Variants in LRRIQ3 observed in about 807,000 individuals in gnomAD.
The protein encoded by LRRIQ3 is leucine rich repeats and IQ motif containing 3.
A neutral mutation model predicts 59.3 loss-of-function variants in LRRIQ3; 75 were observed. The ratio of observed to expected loss-of-function variants is 1.26; its 90% CI spans 1.05 to 1.53. The LOEUF (loss-of-function observed/expected upper bound fraction) is 1.53, where lower values mean the gene tolerates loss of function less well. LRRIQ3 is among the 40% of genes most tolerant of loss of function. The pLI is 0.00. For missense variants in LRRIQ3, 831 were observed against 710.0 expected (o/e 1.17, Z -1.94); for synonymous variants, 250 against 231.3 (o/e 1.08, Z -0.73).
intron 5 of LRRIQ3, among the ~76,000 whole-genome samples, chr1:74,096,355 C>T (rs1646449481): frequency 6.6e-6 from 1 of 152,002 alleles, no homozygotes. Flanking sequence ...AAGGTGGTCC[C>T]TGAACTACAC....
At chr1:74,125,950 T>C (rs930126130) in intron 4 of LRRIQ3, among the ~76,000 whole-genome samples, 1 of 151,898 alleles carries the variant, frequency 6.6e-6, no homozygotes, top group African/African-American at 2.4e-5. Context: ...TTTAATTGTT[T>C]AGTAAAACTC....
intron 6 of LRRIQ3, among the ~76,000 whole-genome samples, chr1:74,070,899 T>C (rs1655006188): frequency 6.6e-6 from 1 of 151,466 alleles, no homozygotes; most frequent in Non-Finnish European, 1.5e-5. Context: ...AGAGAAATTA[T>C]ATTTTTCAGG....
At position 74,155,843 on chromosome 1, in the gene LRRIQ3, A is replaced by G. The variant is rs1472935847; in HGVS notation, c.597T>C (p.Ile199=). The G allele has an allele frequency of 2.0e-6, 3 of 1,524,222 alleles. No homozygotes were observed. The highest frequency in any genetic ancestry group is 2.8e-5 in the African/African-American group (2 of 71,526). 94.4% of individuals were successfully genotyped at this position (1,524,222 alleles called of 1,614,324 possible). The stretch of plus-strand genomic sequence containing the variant: ...TTGAAGTAATATGTTTAATATTATT[A>G]ATTTCCTCTTCATAGGTTGTTCCCT... ...LRKGTTYEEE[I]NNIKHITSKI... is the part of the protein sequence containing the mutation. Residue 199 remains isoleucine, a synonymous_variant, in exon 4 of 8, where the codon ATT becomes ATC. Transcript: ENST00000354431.
chr1:74,117,579 A>C lies in LRRIQ3; in HGVS notation c.708-8026T>G, dbSNP rs553190007. ...TCAGGAGTTCCAGGCCAGCCTGGCCAAGGTGGTGAAACCTTGTCTCTAGTA... is the reference window on the plus strand; with the variant it reads ...TCAGGAGTTCCAGGCCAGCCTGGCCCAGGTGGTGAAACCTTGTCTCTAGTA... On this transcript the variant is annotated intron_variant, in intron 4 of 7. Coordinates refer to ENST00000354431, the MANE Select transcript of LRRIQ3 (RefSeq NM_001105659.2). 2.0e-5 allele frequency among the ~76,000 whole-genome samples: 3 copies of C among 152,280 alleles called. No homozygotes were observed. The South Asian group carries it at 6.2e-4, about 32-fold the overall frequency.
At chr1:74,128,255 T>C (rs1310283647) in intron 4 of LRRIQ3, among the ~76,000 whole-genome samples, 1 of 152,080 alleles carries the variant, frequency 6.6e-6, no homozygotes, top group African/African-American at 2.4e-5. Flanking sequence ...GATATTGACA[T>C]CTTTCTCTAG....
intron 4 of LRRIQ3, among the ~76,000 whole-genome samples, chr1:74,123,392 C>A (rs1646889883): frequency 6.6e-6 from 1 of 151,936 alleles, no homozygotes; most frequent in South Asian, 2.1e-4. Context: ...AATACTAGAT[C>A]TTATTCATTA....
Position 74,054,112 on chromosome 1 carries a change from A to T in LRRIQ3, c.998-12179T>A, listed in dbSNP as rs577884328. Among the ~76,000 whole-genome samples, 577 of 152,318 alleles carry T rather than the reference A, an allele frequency of 3.8e-3. 5 individuals are homozygous for T. Among genetic ancestry groups the T allele is most frequent in the African/African-American group, 0.013 (548 of 41,582 alleles). ...AGCAGCTTTATTCATAATTGGCAAA[A>T]TATGGAAACTACCAAATATACTTTA... On this transcript the variant is annotated intron_variant, in intron 6 of 7. Coordinates refer to ENST00000354431, the MANE Select transcript of LRRIQ3 (RefSeq NM_001105659.2).
intron 6 of LRRIQ3, among the ~76,000 whole-genome samples, chr1:74,071,030 TATAC>T (rs1445968193): frequency 2.7e-5 from 4 of 146,258 alleles, no homozygotes; most frequent in Admixed American, 1.4e-4. Flanking sequence ...CATATATATA[TATAC>T]ACACACACAC....
rs1312398253 is a variant in LRRIQ3 at position 74,109,453 on chromosome 1, T to C, written c.808A>G (p.Lys270Glu). The part of the protein sequence containing the change: ...ITKGYEDKLL[K>E]DLFFKPETNI... ...GTTTCAGGTTTGAAAAAGAGATCCT[T>C]AAGGAGCTTATCTTCATACCCTTTG... Residue 270 changes from lysine to glutamate, a missense_variant, in exon 5 of 8, where the codon AAG becomes GAG. Transcript: ENST00000354431. 2 of 1,577,240 alleles carry C rather than the reference T, an allele frequency of 1.3e-6. No homozygotes were observed. The highest frequency in any genetic ancestry group is 4.6e-5 in the East Asian group (2 of 43,732).
chr1:74,064,321 G>C (rs879071948), intron 6 of LRRIQ3, among the ~76,000 whole-genome samples: 3 of 151,734 alleles, frequency 2.0e-5, no homozygotes, highest in Admixed American at 2.0e-4. Context: ...TGTTACACCT[G>C]CCTCCTTTAT....
intron 4 of LRRIQ3, among the ~76,000 whole-genome samples, chr1:74,111,757 T>C (rs1646697966): frequency 6.6e-6 from 1 of 152,090 alleles, no homozygotes; most frequent in African/African-American, 2.4e-5. Flanking sequence ...CTTTCCTCCC[T>C]TCCTCCCTCA....
intron 6 of LRRIQ3, among the ~76,000 whole-genome samples, chr1:74,047,657 A>G (rs1654245457): frequency 6.6e-6 from 1 of 152,140 alleles, no homozygotes; most frequent in African/African-American, 2.4e-5. Context: ...GTGAGCACAC[A>G]GCCAGAAGGC....
At chr1:74,054,898 T>C (rs1654479350) in intron 6 of LRRIQ3, among the ~76,000 whole-genome samples, 2 of 147,534 alleles carry the variant, frequency 1.4e-5, no homozygotes. Context: ...CAATTATGAA[T>C]TACAACTATA....
At chr1:74,172,166 AGTTCCTTCAG>A (rs1383301896) in intron 3 of LRRIQ3, among the ~76,000 whole-genome samples, 1 of 151,832 alleles carries the variant, frequency 6.6e-6, no homozygotes, top group East Asian at 1.9e-4. Flanking sequence ...TAATTTTTCT[AGTTCCTTCAG>A]GTGTACAGTT....
intron 3 of LRRIQ3, among the ~76,000 whole-genome samples, chr1:74,170,211 G>A (rs1165156023): frequency 6.6e-6 from 1 of 152,078 alleles, no homozygotes; most frequent in Non-Finnish European, 1.5e-5. Context: ...TTTTGCTTTT[G>A]TTGATTGTGT....
chr1:74,037,502 G>A (rs1199608751), intron 7 of LRRIQ3, among the ~76,000 whole-genome samples: 4 of 152,144 alleles, frequency 2.6e-5, no homozygotes, highest in African/African-American at 9.7e-5. Flanking sequence ...GCTTGGTGTG[G>A]TGGCGGACGC....
At chr1:74,129,409 T>C (rs575193425) in intron 4 of LRRIQ3, among the ~76,000 whole-genome samples, 4 of 152,028 alleles carry the variant, frequency 2.6e-5, no homozygotes, top group Non-Finnish European at 5.9e-5. Flanking sequence ...CCTCTGATGT[T>C]TATTCAAGGA....
intron 5 of LRRIQ3, among the ~76,000 whole-genome samples, chr1:74,076,811 A>G (rs1646215223): frequency 6.6e-6 from 1 of 152,054 alleles, no homozygotes; most frequent in Non-Finnish European, 1.5e-5. Context: ...TGTTCCTGGA[A>G]TAAACCTGTT....
chr1:74,156,510 CT>C (rs956317607), intron 3 of LRRIQ3, among the ~76,000 whole-genome samples: 4 of 151,956 alleles, frequency 2.6e-5, no homozygotes, highest in African/African-American at 4.8e-5. Context: ...TTGATGATAA[CT>C]TTTTCCATTA....
Sources: allele counts gnomAD v4.1 joint callset (sites outside exome capture counted in the v4.1 genomes callset), GRCh38; gene constraint gnomAD v4.1.1; transcripts MANE v1.5; gene names NCBI Gene and HGNC (gene_info 2026-07-23, HGNC 2026-07-21).